EEA1: variants seen among roughly 807,000 people sequenced by gnomAD.
The protein encoded by EEA1 is early endosome antigen 1, 162kD.
Under a neutral mutation model 209.2 loss-of-function variants are expected in EEA1, and 111 were observed. The ratio of observed to expected loss-of-function variants is 0.53; its 90% confidence interval spans 0.45 to 0.62. The LOEUF (loss-of-function observed/expected upper bound fraction) is 0.62, where lower values mean the gene tolerates loss of function less well. Among genes scored for constraint, EEA1 ranks in the 20% least tolerant of loss-of-function variants. EEA1 has a pLI of 0.00. For missense variants in EEA1, 1,343 were observed against 1,530.8 expected (o/e 0.88, Z 2.05); for synonymous variants, 536 against 540.6 (o/e 0.99, Z 0.12).
intron 12 of EEA1, among the ~76,000 whole-genome samples, chr12:92,826,654 G>A (rs1213057321): frequency 2.0e-5 from 3 of 149,986 alleles, no homozygotes; most frequent in Non-Finnish European, 3.0e-5. Flanking sequence ...GGCAGAGGTC[G>A]CAGTGAGCCG....
At chr12:92,843,627 G>T (rs1292269789) in intron 9 of EEA1, among the ~76,000 whole-genome samples, 4 of 151,900 alleles carry the variant, frequency 2.6e-5, no homozygotes, top group African/African-American at 9.7e-5. Flanking sequence ...TTTAAGTATG[G>T]TCTGCTGCAA....
intron 1 of EEA1, among the ~76,000 whole-genome samples, chr12:92,902,740 T>TAAAA (rs35323066): frequency 1.6e-5 from 2 of 125,098 alleles, no homozygotes; most frequent in Non-Finnish European, 1.6e-5. Flanking sequence ...AATTCTGTCT[T>TAAAA]AAAAAAAAAA....
chr12:92,840,560 C>G (rs1015542661), intron 10 of EEA1, among the ~76,000 whole-genome samples: 2 of 152,252 alleles, frequency 1.3e-5, no homozygotes, highest in South Asian at 2.1e-4. Context: ...GATTTGCCCG[C>G]CTTGGCCTCC....
Position 92,874,604 on chromosome 12 carries a change from G to A in EEA1, c.118-9617C>T, listed in dbSNP as rs1206905465. 2.0e-5 allele frequency among the ~76,000 whole-genome samples: 3 copies of A among 152,238 alleles called. No individual in the cohort carries two copies. In the East Asian group the frequency reaches 5.8e-4, roughly 29 times the overall value. ...TGGTCTCGAACTCCTGACCTCAGGT[G>A]ATCCGCCTGCCTCAGCCTCCCAAAG... On this transcript the variant is annotated intron_variant, in intron 2 of 28. Coordinates refer to ENST00000322349, the MANE Select transcript of EEA1 (RefSeq NM_003566.4).
chr12:92,899,175 T>C (rs1039745396), intron 1 of EEA1, among the ~76,000 whole-genome samples: 3 of 151,302 alleles, frequency 2.0e-5, no homozygotes, highest in East Asian at 1.9e-4. Flanking sequence ...GGGGTCTCCA[T>C]TTGGTTGTCG....
intron 22 of EEA1, among the ~76,000 whole-genome samples, chr12:92,785,341 TAC>T (rs1874084601): frequency 6.6e-6 from 1 of 151,988 alleles, no homozygotes. Flanking sequence ...TCTAGGTATA[TAC>T]ACTGTTAGCC....
intron 1 of EEA1, among the ~76,000 whole-genome samples, chr12:92,917,621 T>C (rs1028611860): frequency 1.3e-5 from 2 of 151,956 alleles, no homozygotes; most frequent in African/African-American, 4.8e-5. Context: ...GAACAACCAG[T>C]ACCAGCCATT....
At chr12:92,879,271 A>C (rs1224688476) in intron 2 of EEA1, 2 of 423,084 alleles carry the variant, frequency 4.7e-6, no homozygotes, top group African/African-American at 4.1e-5. Flanking sequence ...AATCCAAAAA[A>C]ATCCAAAATC....
chr12:92,794,306 G>T (rs1392221915), intron 21 of EEA1, among the ~76,000 whole-genome samples: 1 of 152,184 alleles, frequency 6.6e-6, no homozygotes, highest in Non-Finnish European at 1.5e-5. Context: ...TTCAACCATT[G>T]TGGAAGACAG....
In EEA1 at chr12:92,904,200, A is replaced by T. The variant is rs183085909; in HGVS notation, c.25-12479T>A. Among the ~76,000 whole-genome samples, 10 of 152,250 alleles carry T rather than the reference A, an allele frequency of 6.6e-5. No individual in the cohort carries two copies. In the East Asian group the frequency reaches 1.9e-3, roughly 29 times the overall value. Reference sequence around the variant, plus strand: ...GGTCTTGAACTCCTGACCTCAGGTGATCTGCCAGCCTCAGCCTCCCAAAGT... The same window carrying T: ...GGTCTTGAACTCCTGACCTCAGGTGTTCTGCCAGCCTCAGCCTCCCAAAGT... On this transcript the variant is annotated intron_variant, in intron 1 of 28. Coordinates refer to ENST00000322349, the MANE Select transcript of EEA1 (RefSeq NM_003566.4).
At chr12:92,914,306 G>A (rs1880685709) in intron 1 of EEA1, among the ~76,000 whole-genome samples, 1 of 151,992 alleles carries the variant, frequency 6.6e-6, no homozygotes, top group African/African-American at 2.4e-5. Context: ...TAAGTATGTG[G>A]CTTTATTTCT....
In EEA1 at chr12:92,816,393, T is replaced by A; in HGVS notation, c.1736A>T (p.Gln579Leu). The A allele has an allele frequency of 6.2e-7, 1 of 1,613,696 alleles. No individual in the cohort carries two copies. The highest frequency in any genetic ancestry group is 8.5e-7 in the Non-Finnish European group (1 of 1,179,688). ...KNHTLQEQVT[Q>L]LTEKLKNQSE... is the part of the protein sequence containing the mutation. ...CTGATTCTTCAGCTTCTCTGTTAGT[T>A]GAGTTACCTGTTATACAAGTAAGAC... Residue 579 changes from glutamine to leucine, a missense_variant, in exon 15 of 29, where the codon CAA (glutamine) becomes CTA (leucine). Around this residue, in one of 3 missense-constraint regions of EEA1, gnomAD observed 1,307 missense variants for 1,465.5 expected, o/e 0.89. Coordinates refer to ENST00000322349, the MANE Select transcript of EEA1 (RefSeq NM_003566.4).
chr12:92,828,969 AG>A (rs1213031927), intron 11 of EEA1, among the ~76,000 whole-genome samples: 3 of 152,212 alleles, frequency 2.0e-5, no homozygotes, highest in African/African-American at 7.2e-5. Flanking sequence ...AACAAAAGAA[AG>A]AAACTCTTCC....
rs530896132 is a variant in EEA1 at position 92,929,217 on chromosome 12, C to T, written c.-151G>A. The T allele has an allele frequency of 1.0e-3, 690 of 661,410 alleles. 5 individuals are homozygous for T. The Middle Eastern group carries it at 0.013, about 13-fold the overall frequency. The allele number at this position is 661,410 out of a possible 1,614,324, so 41.0% of individuals were successfully genotyped here. A position where few individuals can be genotyped will look rare whatever the true frequency, so the allele number is the denominator to read the frequency against. On this transcript the variant is annotated 5_prime_UTR_variant, in exon 1 of 29. Transcript: ENST00000322349. ...GCGGTGGCGACGGCCGCTCGGGCGG[C>T]CCCGACTTCCCCACAGGCGGCGAGA...
intron 1 of EEA1, among the ~76,000 whole-genome samples, chr12:92,900,222 A>G (rs1880091338): frequency 6.6e-6 from 1 of 152,178 alleles, no homozygotes; most frequent in African/African-American, 2.4e-5. Context: ...TACAGGAGAT[A>G]TACTCATTTC....
chr12:92,811,868 A>AAAAT (rs1565818272), intron 16 of EEA1, among the ~76,000 whole-genome samples: 3 of 151,670 alleles, frequency 2.0e-5, no homozygotes, highest in Non-Finnish European at 2.9e-5. Context: ...ACAAAAAAAA[A>AAAAT]AAAATAAAAT....
intron 7 of EEA1, 40 bp from the exon 8 acceptor site, chr12:92,852,336 G>A (rs1296578885): frequency 7.0e-6 from 10 of 1,427,216 alleles, no homozygotes; most frequent in Middle Eastern, 2.4e-4. Flanking sequence ...TTTAAGGGGA[G>A]GACAGTTTTA....
chr12:92,849,260 A>AT (rs1035887703), intron 9 of EEA1, among the ~76,000 whole-genome samples: 3 of 151,596 alleles, frequency 2.0e-5, no homozygotes, highest in Non-Finnish European at 4.4e-5. Context: ...AAGGGAGTGT[A>AT]TTTTTTTTTA....
chr12:92,812,867 T>C (rs1875586244), intron 16 of EEA1, 113 bp downstream of exon 16: 1 of 615,630 alleles, frequency 1.6e-6, no homozygotes, highest in African/African-American at 1.9e-5. Flanking sequence ...TTAAGGGGGA[T>C]AAGCAAGTCT....
Sources: gnomAD v4.1 joint callset for allele counts (sites outside exome capture counted in the v4.1 genomes callset) on GRCh38, gnomAD v4.1.1 for gene constraint, gnomAD v4.1.1 regional missense constraint, MANE v1.5 for transcripts, NCBI Gene and HGNC (gene_info 2026-07-23, HGNC 2026-07-21) for gene names.